Variants in ZNF226 observed in about 807,000 individuals in gnomAD.
ZNF226 encodes the protein Kruppel-associated box protein.
A neutral mutation model predicts 11.4 loss-of-function variants in ZNF226; 6 were observed. The observed-to-expected ratio is 0.53, with a 90% CI of 0.29 to 1.04. ZNF226 has a LOEUF of 1.04. ZNF226 is among the 50% of genes least tolerant of loss of function. The pLI is 0.08. For synonymous variants in ZNF226, 350 were observed against 322.8 expected (o/e 1.08, Z -0.90); for missense variants, 1,058 against 956.5 (o/e 1.11, Z -1.40).
In ZNF226 at chr19:44,170,076, T is replaced by C. The variant is rs1379148439; in HGVS notation, c.-5T>C. 1 of 1,612,226 alleles carries C rather than the reference T, an allele frequency of 6.2e-7. No homozygotes were observed. The highest frequency in any genetic ancestry group is 8.5e-7 in the Non-Finnish European group (1 of 1,178,994). On this transcript the variant is annotated 5_prime_UTR_variant, in exon 3 of 6. Coordinates refer to ENST00000337433, the MANE Select transcript of ZNF226 (RefSeq NM_001032373.2). ...TCTGCACTTCCCCAGAAGGAAGAAT[T>C]AAAAATGAATATGTTCAAGGTGAGT...
intron 5 of ZNF226, chr19:44,173,292 A>C (rs1599729772): frequency 2.7e-6 from 1 of 370,372 alleles, no homozygotes; most frequent in Non-Finnish European, 4.8e-6. Flanking sequence ...TATCTTCTAT[A>C]CTCTCTTTCT....
At chr19:44,170,229 C>A in intron 3 of ZNF226, 134 bp downstream of exon 3, 1 of 758,448 alleles carries the variant, frequency 1.3e-6, no homozygotes, top group South Asian at 2.7e-5. Flanking sequence ...TTATTTTGTT[C>A]CGTTTGAGTT....
At chr19:44,182,370 CACAA>C (rs769481445), downstream of ZNF226, among the ~76,000 whole-genome samples, 26 of 152,036 alleles carry the variant, frequency 1.7e-4, no homozygotes, top group Non-Finnish European at 2.9e-4. Context: ...CACACACACA[CACAA>C]ACACACACAC....
In ZNF226 at chr19:44,175,992, A is replaced by C. The variant is rs761983702; in HGVS notation, c.730A>C (p.Met244Leu). 1.2e-6 allele frequency: 2 copies of C among 1,613,970 alleles called. No individual in the cohort carries two copies. Among genetic ancestry groups the C allele is most frequent in the Admixed American group, 3.3e-5 (2 of 60,030 alleles). Reference sequence around the variant, plus strand: ...GATTTTGACATTTGATCACAATAGCATGATTCACACAGGACAGAAATCGTA... The same window carrying C: ...GATTTTGACATTTGATCACAATAGCCTGATTCACACAGGACAGAAATCGTA... Reference protein sequence around the residue: ...MKILTFDHNSMIHTGQKSYQC... With the variant: ...MKILTFDHNSLIHTGQKSYQC... Residue 244 changes from methionine (M) to leucine (L), a missense_variant, in exon 6 of 6, where the codon ATG (methionine) becomes CTG (leucine). Coordinates refer to ENST00000337433, the MANE Select transcript of ZNF226 (RefSeq NM_001032373.2).
chr19:44,187,210 AT>A, the ZNF226 span, among the ~76,000 whole-genome samples: 1 of 151,902 alleles, frequency 6.6e-6, no homozygotes, highest in Non-Finnish European at 1.5e-5. This position sits in a 1 kb window ranked among gnomAD's most constrained non-coding sequence, Gnocchi z 4.0. Context: ...TTCTTTAAAT[AT>A]TTGGTAGAAT....
At chr19:44,174,701 A>G (rs1457918823) in intron 5 of ZNF226, 4 of 262,508 alleles carry the variant, frequency 1.5e-5, no homozygotes, top group East Asian at 6.6e-5. Flanking sequence ...CACTTTGTCA[A>G]TTTGGAAAAC....
rs973603305 is a variant in ZNF226 at position 44,175,610 on chromosome 19, C to T, written c.348C>T (p.Asp116=). Residue 116 remains aspartate, a synonymous_variant, in exon 6 of 6, where the codon GAC becomes GAT. Transcript: ENST00000337433. ...CAAATGACTTAACCAGGTGTCAAGA[C>T]TCCATGATCAATAATTCTCAGTGTC... is the stretch of plus-strand genomic sequence containing the variant. The part of the protein sequence containing the change: ...QIANDLTRCQ[D]SMINNSQCHK... The T allele has an allele frequency of 1.1e-5, 18 of 1,613,794 alleles. No homozygotes were observed. The highest frequency in any genetic ancestry group is 1.6e-4 in the Middle Eastern group (1 of 6,082).
downstream of ZNF226, among the ~76,000 whole-genome samples, chr19:44,180,041 C>T (rs924637604): frequency 1.7e-4 from 23 of 135,278 alleles, no homozygotes; most frequent in African/African-American, 5.2e-4. Context: ...GAGCTGCGAT[C>T]GTGCCACTGC....
At chr19:44,182,714 G>A (rs1970925633), downstream of ZNF226, among the ~76,000 whole-genome samples, 1 of 152,164 alleles carries the variant, frequency 6.6e-6, no homozygotes, top group Non-Finnish European at 1.5e-5. Context: ...ATTCAATGAG[G>A]ATGATGGGAT....
At position 44,177,004 on chromosome 19, in the gene ZNF226, A is replaced by G. The variant is rs758629812; in HGVS notation, c.1742A>G (p.His581Arg). The G allele has an allele frequency of 3.1e-6, 5 of 1,614,064 alleles. No homozygotes were observed. Among genetic ancestry groups the G allele is most frequent in the Non-Finnish European group, 3.4e-6 (4 of 1,179,918 alleles). Reference sequence around the variant, plus strand: ...CGACTTCAGATTCACCAGCTGATCCATACGGGTGAGAAACCATACAAATGT... The same window carrying G: ...CGACTTCAGATTCACCAGCTGATCCGTACGGGTGAGAAACCATACAAATGT... ...SSRLQIHQLI[H>R]TGEKPYKCEE... is the part of the protein sequence containing the mutation. Residue 581 changes from histidine (H) to arginine (R), a missense_variant, in exon 6 of 6, where the codon CAT becomes CGT. His to Arg is a conservative substitution (Grantham distance 29). Coordinates refer to ENST00000337433, the MANE Select transcript of ZNF226 (RefSeq NM_001032373.2).
the ZNF226 span, among the ~76,000 whole-genome samples, chr19:44,197,055 G>A: frequency 6.6e-6 from 1 of 151,994 alleles, no homozygotes; most frequent in Non-Finnish European, 1.5e-5. Flanking sequence ...AAACCATATT[G>A]TATATATCCT....
intron 2 of ZNF226, among the ~76,000 whole-genome samples, chr19:44,167,314 C>T (rs1161701854): frequency 3.8e-5 from 4 of 105,686 alleles, no homozygotes; most frequent in South Asian, 3.2e-4. Context: ...ATTTCTTTAA[C>T]TTTTTTTTTT....
chr19:44,175,078 T>C, intron 5 of ZNF226: 3 of 1,606,252 alleles, frequency 1.9e-6, no homozygotes, highest in Non-Finnish European at 2.5e-6. Context: ...CATTTATATA[T>C]GAAGAAATGT....
chr19:44,169,461 A>G (rs959104167), intron 2 of ZNF226: 1 of 152,260 alleles, frequency 6.6e-6, no homozygotes, highest in Non-Finnish European at 1.5e-5. Context: ...TTCACGTGAC[A>G]TAGCAACAAC....
rs1599741329 is a variant in ZNF226, at chr19:44,177,652, A to G, written c.2390A>G (p.Gln797Arg). ...GGTAAGAACATCAGAGAATCCACAC[A>G]GGAAAAAAAATCTATAAAATGATTC... The part of the protein sequence containing the change: ...RGGKNIREST[Q>R]EKKSIK Residue 797 changes from glutamine (Q) to arginine (R), a missense_variant, in exon 6 of 6, where the codon CAG (glutamine) becomes CGG (arginine). By Grantham distance (43) the Gln-to-Arg change is conservative (BLOSUM62 1). Transcript: ENST00000337433. 6.3e-7 allele frequency: 1 copy of G among 1,586,844 alleles called. No homozygotes were observed. Among genetic ancestry groups the G allele is most frequent in the Non-Finnish European group, 8.6e-7 (1 of 1,168,314 alleles).
the ZNF226 span, among the ~76,000 whole-genome samples, chr19:44,198,339 A>G: frequency 6.6e-6 from 1 of 152,226 alleles, no homozygotes; most frequent in Non-Finnish European, 1.5e-5. Flanking sequence ...TCACCAAAAA[A>G]CTGCTGAGAA....
intron 2 of ZNF226, among the ~76,000 whole-genome samples, chr19:44,167,314 C>CTTT (rs35919865): frequency 4.7e-4 from 50 of 105,650 alleles, no homozygotes; most frequent in South Asian, 9.6e-4. Context: ...ATTTCTTTAA[C>CTTT]TTTTTTTTTT....
In ZNF226 at chr19:44,175,664, A is replaced by C. The variant is rs745712606; in HGVS notation, c.402A>C (p.Val134=). 6.2e-7 allele frequency: 1 copy of C among 1,613,896 alleles called. No individual in the cohort carries two copies. Among genetic ancestry groups the C allele is most frequent in the South Asian group, 1.1e-5 (1 of 91,068 alleles). Residue 134 remains valine (V), a synonymous_variant, in exon 6 of 6, where the codon GTA becomes GTC. Transcript: ENST00000337433. ...CHKQGDFPYQ[V]GTELSIQISE... ...AACAAGGTGATTTCCCTTACCAGGT[A>C]GGGACAGAACTGTCTATTCAAATTT...
chr19:44,176,385 G>C lies in ZNF226; in HGVS notation c.1123G>C (p.Ala375Pro), dbSNP rs975016930. 4 of 1,613,738 alleles carry C rather than the reference G, an allele frequency of 2.5e-6. No homozygotes were observed. The Admixed American group carries it at 6.7e-5, about 27-fold the overall frequency. Residue 375 changes from alanine to proline, a missense_variant, in exon 6 of 6, where the codon GCC (alanine) becomes CCC (proline). By Grantham distance (27) the Ala-to-Pro change is conservative (BLOSUM62 -1). Transcript: ENST00000337433. ...CEECGRAFSQ[A>P]SHLQDHQRLH... ...GGAGTGTGGGAGGGCCTTCAGTCAG[G>C]CCTCTCATCTTCAGGACCATCAGAG...
Sources: allele counts gnomAD v4.1 joint callset (sites outside exome capture counted in the v4.1 genomes callset), GRCh38; gene constraint gnomAD v4.1.1; non-coding constraint Gnocchi (gnomAD v3.1); transcripts MANE v1.5; gene names NCBI Gene and HGNC (gene_info 2026-07-23, HGNC 2026-07-21).